The following REC114 variants were observed in gnomAD, a reference collection of about 807,000 sequenced individuals.
The protein encoded by REC114 is meiotic recombination protein REC114.
In REC114, 27 loss-of-function variants were observed where a neutral mutation model predicts 31.3. The observed-to-expected ratio is 0.86, with a 90% CI of 0.64 to 1.19. The LOEUF is 1.19. Among genes scored for constraint, REC114 ranks in the 50% most tolerant of loss-of-function variants. The pLI, the probability that REC114 is intolerant of heterozygous loss-of-function variation, is 0.00. For missense variants in REC114, 344 were observed against 326.9 expected, an observed-to-expected ratio of 1.05 and a Z score of -0.40; for synonymous variants, 134 against 127.7, an observed-to-expected ratio of 1.05 and a Z score of -0.33.
intron 2 of REC114, among the ~76,000 whole-genome samples, chr15:73,506,451 A>G (rs1029392413): frequency 9.9e-5 from 15 of 152,222 alleles, no homozygotes; most frequent in Admixed American, 9.2e-4. Context: ...TTGAAAGTTT[A>G]AAGAGATGCC....
chr15:73,517,616 C>T (rs897593057), intron 2 of REC114, among the ~76,000 whole-genome samples: 4 of 152,138 alleles, frequency 2.6e-5, no homozygotes, highest in Non-Finnish European at 4.4e-5. Flanking sequence ...ACTTTAGAGA[C>T]GAGCCAGGCC....
intron 3 of REC114, among the ~76,000 whole-genome samples, chr15:73,546,624 T>G (rs1305138400): frequency 6.6e-6 from 1 of 152,118 alleles, no homozygotes; most frequent in Non-Finnish European, 1.5e-5. Flanking sequence ...TAAAAATATA[T>G]TTATCAGTGA....
intron 2 of REC114, among the ~76,000 whole-genome samples, chr15:73,496,527 C>A (rs868354976): frequency 1.3e-5 from 2 of 148,926 alleles, no homozygotes; most frequent in African/African-American, 5.0e-5. Flanking sequence ...GTGGCGGACA[C>A]CTGTAATCCC....
At chr15:73,467,828 A>G (rs1198331953) in intron 1 of REC114, among the ~76,000 whole-genome samples, 1 of 152,192 alleles carries the variant, frequency 6.6e-6, no homozygotes, top group Non-Finnish European at 1.5e-5. Context: ...GAAATTTGAA[A>G]TGGGTTTATT....
intron 1 of REC114, among the ~76,000 whole-genome samples, chr15:73,446,119 A>T (rs1567843236): frequency 6.6e-6 from 1 of 152,232 alleles, no homozygotes; most frequent in Admixed American, 6.5e-5. Context: ...AATAGTGCCT[A>T]GTATATATTA....
Position 73,559,886 on chromosome 15 carries a change from A to T in REC114, c.771A>T (p.Glu257Asp). The T allele has an allele frequency of 6.2e-7, 1 of 1,612,530 alleles. No individual in the cohort carries two copies. The highest frequency in any genetic ancestry group is 8.5e-7 in the Non-Finnish European group (1 of 1,179,444). Residue 257 changes from glutamate to aspartate, a missense_variant, in exon 6 of 6, where the codon GAA becomes GAT. Coordinates refer to ENST00000331090, the MANE Select transcript of REC114 (RefSeq NM_001042367.2). ...FPAFVEEVEK[E>D]LKKLAGLRN ...CATTTGTGGAAGAGGTAGAAAAGGAACTGAAAAAGCTGGCGGGTTTGAGAA... is the reference window on the plus strand; with the variant it reads ...CATTTGTGGAAGAGGTAGAAAAGGATCTGAAAAAGCTGGCGGGTTTGAGAA...
chr15:73,552,100 G>T (rs1384872661), intron 4 of REC114, among the ~76,000 whole-genome samples: 1 of 152,166 alleles, frequency 6.6e-6, no homozygotes, highest in Non-Finnish European at 1.5e-5. Context: ...GTGTAAGATA[G>T]GCTAAAAGAT....
At chr15:73,502,003 G>T (rs1159811362) in intron 2 of REC114, among the ~76,000 whole-genome samples, 1 of 151,998 alleles carries the variant, frequency 6.6e-6, no homozygotes, top group Non-Finnish European at 1.5e-5. Context: ...AACTCAAAGA[G>T]TTATGAGCTG....
At chr15:73,554,045 T>C (rs1894427899) in intron 4 of REC114, among the ~76,000 whole-genome samples, 1 of 152,210 alleles carries the variant, frequency 6.6e-6, no homozygotes, top group African/African-American at 2.4e-5. Context: ...ATTACTATTA[T>C]TGCCACCAAT....
chr15:73,463,994 T>C (rs1306273121), intron 1 of REC114, among the ~76,000 whole-genome samples: 2 of 152,142 alleles, frequency 1.3e-5, no homozygotes, highest in Non-Finnish European at 2.9e-5. Flanking sequence ...ACCGTTTGTA[T>C]CTTCAGTCTC....
chr15:73,546,836 A>T (rs1894316100), intron 3 of REC114, among the ~76,000 whole-genome samples: 1 of 145,086 alleles, frequency 6.9e-6, no homozygotes, highest in African/African-American at 2.5e-5. Context: ...AAAAAAAAAG[A>T]GTTCTGGGAA....
Position 73,559,979 on chromosome 15 carries a change from TAAA to T in REC114, c.*64_*66del. The T allele has an allele frequency of 7.1e-7, 1 of 1,403,436 alleles. No individual in the cohort carries two copies. The highest frequency in any genetic ancestry group is 9.6e-7 in the Non-Finnish European group (1 of 1,037,906). 86.9% of individuals were successfully genotyped at this position (1,403,436 alleles called of 1,614,324 possible). On this transcript the variant is annotated 3_prime_UTR_variant, in exon 6 of 6. Coordinates refer to ENST00000331090, the MANE Select transcript of REC114 (RefSeq NM_001042367.2). ...ATTGAAAAATGCTTCCTCCTAAAAT[TAAA>T]GAAGATATTAGAATAAAGAGTATTA...
At chr15:73,553,338 A>G (rs768128232) in intron 4 of REC114, among the ~76,000 whole-genome samples, 66 of 152,202 alleles carry the variant, frequency 4.3e-4, no homozygotes, top group Non-Finnish European at 8.8e-4. Context: ...GTTTCAAACA[A>G]TAATGCTTCG....
chr15:73,465,959 C>T (rs1484622885), intron 1 of REC114, among the ~76,000 whole-genome samples: 5 of 152,150 alleles, frequency 3.3e-5, no homozygotes, highest in South Asian at 2.1e-4. Flanking sequence ...TCAAGCGATT[C>T]TTCTGCCTCA....
chr15:73,524,218 C>A (rs569418055), intron 2 of REC114, among the ~76,000 whole-genome samples: 25 of 152,232 alleles, frequency 1.6e-4, no homozygotes, highest in African/African-American at 6.0e-4. Context: ...ACAAACATCA[C>A]ATTTATGGTG....
intron 4 of REC114, among the ~76,000 whole-genome samples, chr15:73,552,076 A>T (rs1025535451): frequency 1.3e-5 from 2 of 152,250 alleles, no homozygotes; most frequent in African/African-American, 4.8e-5. Context: ...ACGTGGATAA[A>T]GAGCTATTCA....
chr15:73,446,446 C>T (rs1341092792), intron 1 of REC114, among the ~76,000 whole-genome samples: 1 of 152,094 alleles, frequency 6.6e-6, no homozygotes, highest in Admixed American at 6.5e-5. Context: ...TTGAGACCAG[C>T]CTGGCCAACA....
At chr15:73,451,564 T>C (rs1307168006) in intron 1 of REC114, among the ~76,000 whole-genome samples, 2 of 152,192 alleles carry the variant, frequency 1.3e-5, no homozygotes, top group Non-Finnish European at 2.9e-5. Context: ...AAAGAGGAGC[T>C]GGTACCATTC....
chr15:73,502,928 T>G (rs960519877), intron 2 of REC114, among the ~76,000 whole-genome samples: 13 of 152,190 alleles, frequency 8.5e-5, no homozygotes, highest in Admixed American at 8.5e-4. Flanking sequence ...ACTGAATTGA[T>G]TGCATTGATT....
Sources: allele counts gnomAD v4.1 joint callset (sites outside exome capture counted in the v4.1 genomes callset), GRCh38; gene constraint gnomAD v4.1.1; transcripts MANE v1.5; gene names NCBI Gene and HGNC (gene_info 2026-07-23, HGNC 2026-07-21).